Variants in SRCAP observed in about 807,000 individuals in gnomAD.
SRCAP encodes the protein Snf2 related CREBBP activator protein, also known as chromatin remodeling protein SRCAP.
Under a neutral mutation model 263.1 loss-of-function variants are expected in SRCAP, and 46 were observed. The ratio of observed to expected loss-of-function variants is 0.17; its 90% CI spans 0.14 to 0.22. SRCAP has a LOEUF of 0.22. SRCAP is among the 10% of genes least tolerant of loss of function. SRCAP has a pLI of 1.00. For synonymous variants in SRCAP, 1,813 were observed against 1,662.1 expected, an observed-to-expected ratio of 1.09 and a Z score of -2.21; for missense variants, 3,695 against 4,181.9, an observed-to-expected ratio of 0.88 and a Z score of 3.21.
At chr16:30,699,359 A>C in intron 1 of SRCAP, 117 bp downstream of exon 1, 1 of 394,974 alleles carries the variant, frequency 2.5e-6, no homozygotes, top group Non-Finnish European at 4.5e-6. Flanking sequence ...GCGGGTTCAC[A>C]CTGCCTGTTT....
intron 19 of SRCAP, 34 bp downstream of exon 19, chr16:30,720,365 A>G (rs1212682489): frequency 6.3e-7 from 1 of 1,591,190 alleles, no homozygotes; most frequent in Admixed American, 1.7e-5. Context: ...GATGGTTCCT[A>G]GAATAAGTGG....
intron 3 of SRCAP, among the ~76,000 whole-genome samples, chr16:30,703,422 G>T (rs2052791119): frequency 6.6e-6 from 1 of 150,456 alleles, no homozygotes; most frequent in South Asian, 2.1e-4. Context: ...TCAAACTCCT[G>T]ACCTCAGGTG....
In SRCAP at chr16:30,738,565, A is replaced by C. The variant is rs1323451177; in HGVS notation, c.8525A>C (p.Glu2842Ala). 2 of 1,610,420 alleles carry C rather than the reference A, an allele frequency of 1.2e-6. No individual in the cohort carries two copies. The highest frequency in any genetic ancestry group is 1.7e-6 in the Non-Finnish European group (2 of 1,178,252). The change falls in exon 34 of 34, where the codon GAG (glutamate) becomes GCG (alanine). Residue 2842 changes from glutamate to alanine, a missense_variant. By Grantham distance (107) the Glu-to-Ala change is moderately radical. Transcript: ENST00000262518. The stretch of plus-strand genomic sequence containing the variant: ...GGGGTGACTGGTGGTGGCAGCCCCG[A>C]GAATGGAGACGGAGCACTGCTCGCC... ...ELGVTGGGSP[E>A]NGDGALLAIT...
intron 27 of SRCAP, among the ~76,000 whole-genome samples, chr16:30,732,844 A>G (rs1052890623): frequency 2.6e-5 from 4 of 152,178 alleles, no homozygotes; most frequent in South Asian, 4.1e-4. Context: ...GTAGATAGAT[A>G]TTTTTTGTGA....
intron 4 of SRCAP, 63 bp downstream of exon 4, chr16:30,704,378 CTT>C (rs898940162): frequency 7.3e-6 from 11 of 1,510,186 alleles, no homozygotes; most frequent in Non-Finnish European, 9.8e-6. Flanking sequence ...CCCACGTCCT[CTT>C]GAGTATTTTA....
At chr16:30,704,370 C>G in intron 4 of SRCAP, 55 bp downstream of exon 4, 2 of 1,524,370 alleles carry the variant, frequency 1.3e-6, no homozygotes, top group Non-Finnish European at 1.8e-6. Flanking sequence ...CGTAAACTCC[C>G]ACGTCCTCTT....
In SRCAP at chr16:30,722,191, G is replaced by A. The variant is rs1428119946; in HGVS notation, c.3611G>A (p.Ser1204Asn). ...CGTCCAGTGGCTAATGCAGGGGGAA[G>A]CAAACCTCTCACCTTCCAAATCCAG... ...AQRPVANAGG[S>N]KPLTFQIQGN... Residue 1204 changes from serine to asparagine, a missense_variant, in exon 22 of 34, where the codon AGC becomes AAC. Physicochemically the swap from Ser to Asn is conservative, Grantham distance 46. This residue lies in a region of SRCAP where 1,347 missense variants were observed against 1,304.4 expected (regional missense o/e 1.03). Transcript: ENST00000262518. The A allele has an allele frequency of 6.2e-7, 1 of 1,614,160 alleles. No homozygotes were observed. Among genetic ancestry groups the A allele is most frequent in the Non-Finnish European group, 8.5e-7 (1 of 1,180,020 alleles).
chr16:30,734,133 A>G, intron 30 of SRCAP, 125 bp downstream of exon 30: 2 of 821,768 alleles, frequency 2.4e-6, no homozygotes. Context: ...ACTTGAGGCC[A>G]GGAGTTGGAG....
intron 4 of SRCAP, among the ~76,000 whole-genome samples, chr16:30,705,790 T>C (rs1469475538): frequency 6.6e-6 from 1 of 151,504 alleles, no homozygotes; most frequent in Non-Finnish European, 1.5e-5. Flanking sequence ...CACTGCAAGC[T>C]CCGCCTCCTG....
intron 13 of SRCAP, 66 bp downstream of exon 13, chr16:30,712,505 G>T: frequency 6.5e-7 from 1 of 1,526,762 alleles, no homozygotes; most frequent in South Asian, 1.3e-5. Context: ...GTTCAGTGAT[G>T]ACTCCAGCTT....
chr16:30,717,667 C>T (rs977406014), intron 18 of SRCAP, among the ~76,000 whole-genome samples: 1 of 123,166 alleles, frequency 8.1e-6, no homozygotes, highest in Non-Finnish European at 1.6e-5. Flanking sequence ...GGCTGGAGTG[C>T]AGTGGTGCCA....
At chr16:30,703,509 T>A (rs1357655287) in intron 3 of SRCAP, among the ~76,000 whole-genome samples, 1 of 151,642 alleles carries the variant, frequency 6.6e-6, no homozygotes, top group Admixed American at 6.6e-5. Context: ...ATATATATAT[T>A]TTTAAGTTTG....
intron 10 of SRCAP, 77 bp downstream of exon 10, chr16:30,711,165 A>G: frequency 8.7e-7 from 1 of 1,153,034 alleles, no homozygotes; most frequent in Non-Finnish European, 1.3e-6. Flanking sequence ...AGAGATGAAT[A>G]AGGCACTTTG....
intron 3 of SRCAP, 134 bp from the exon 4 acceptor site, chr16:30,703,930 T>C (rs2052796934): frequency 1.8e-6 from 2 of 1,091,430 alleles, no homozygotes; most frequent in East Asian, 2.6e-5. Context: ...TCCCGAACGT[T>C]TGTGTTTATG....
In SRCAP at chr16:30,707,275, C is replaced by G; in HGVS notation, c.399C>G (p.Pro133=). ...RLPKVPEPPR[P]KGHWDYLCEE... is the part of the protein sequence containing the mutation. Reference sequence around the variant, plus strand: ...CTAAGGTGCCAGAGCCCCCTCGCCCCAAAGGTCACTGGGACTATTTGTGCG... The same window carrying G: ...CTAAGGTGCCAGAGCCCCCTCGCCCGAAAGGTCACTGGGACTATTTGTGCG... Residue 133 remains proline (P), a synonymous_variant, in exon 5 of 34, where the codon CCC becomes CCG. Coordinates refer to ENST00000262518, the MANE Select transcript of SRCAP (RefSeq NM_006662.3). 6.2e-7 allele frequency: 1 copy of G among 1,614,130 alleles called. No homozygotes were observed. Among genetic ancestry groups the G allele is most frequent in the Non-Finnish European group, 8.5e-7 (1 of 1,180,030 alleles).
intron 21 of SRCAP, 130 bp from the exon 22 acceptor site, chr16:30,721,992 C>T (rs542467771): frequency 1.7e-6 from 2 of 1,148,156 alleles, no homozygotes; most frequent in African/African-American, 1.6e-5. Context: ...TTTATTGGGA[C>T]ATGGTAAATT....
Position 30,722,200 on chromosome 16 carries a change from T to C in SRCAP, c.3620T>C (p.Leu1207Pro), listed in dbSNP as rs1169288233. Residue 1207 changes from leucine (L) to proline (P), a missense_variant, in exon 22 of 34, where the codon CTC (leucine) becomes CCC (proline). Physicochemically the swap from Leu to Pro is moderately conservative, Grantham distance 98 (BLOSUM62 -3). This residue lies in a region of SRCAP where 1,347 missense variants were observed against 1,304.4 expected (regional missense o/e 1.03). Coordinates refer to ENST00000262518, the MANE Select transcript of SRCAP (RefSeq NM_006662.3). The part of the protein sequence containing the change: ...PVANAGGSKP[L>P]TFQIQGNKLT... Reference sequence around the variant, plus strand: ...GCTAATGCAGGGGGAAGCAAACCTCTCACCTTCCAAATCCAGGGCAACAAG... The same window carrying C: ...GCTAATGCAGGGGGAAGCAAACCTCCCACCTTCCAAATCCAGGGCAACAAG... The C allele has an allele frequency of 2.5e-6, 4 of 1,614,194 alleles. 1 individual carries two copies. The South Asian group carries it at 4.4e-5, about 18-fold the overall frequency.
rs193056695 is a variant in SRCAP, at chr16:30,737,736, C to T, written c.7696C>T (p.Leu2566=). 5.6e-6 allele frequency: 9 copies of T among 1,614,226 alleles called. No homozygotes were observed. The African/African-American group carries it at 8.0e-5, about 14-fold the overall frequency. The change falls in exon 34 of 34, where the codon CTG becomes TTG. Residue 2566 remains leucine (L), a synonymous_variant. Coordinates refer to ENST00000262518, the MANE Select transcript of SRCAP (RefSeq NM_006662.3). ...ATTGGCATCTCCAGAGTCCCTGGAG[C>T]TGGCTTCTGTGGCCAGTTCAGAAAC... is the stretch of plus-strand genomic sequence containing the variant. The part of the protein sequence containing the change: ...QALASPESLE[L]ASVASSETSS...
At chr16:30,723,463 A>G (rs1216835514) in intron 24 of SRCAP, 121 bp from the exon 25 acceptor site, 2 of 1,499,954 alleles carry the variant, frequency 1.3e-6, no homozygotes, top group South Asian at 1.4e-5. Context: ...GTTTGACTTC[A>G]TGTTGTGGGA....
Sources: gnomAD v4.1 joint callset for allele counts (sites outside exome capture counted in the v4.1 genomes callset) on GRCh38, gnomAD v4.1.1 for gene constraint, gnomAD v4.1.1 regional missense constraint, MANE v1.5 for transcripts, NCBI Gene and HGNC (gene_info 2026-07-23, HGNC 2026-07-21) for gene names.